Variants in LRRC27 observed in about 807,000 individuals in gnomAD.
The protein encoded by LRRC27 is leucine rich repeat containing 27, also known as leucine-rich repeat-containing protein 27.
In LRRC27, 57 loss-of-function variants were observed where a neutral mutation model predicts 55.0. The ratio of observed to expected loss-of-function variants is 1.04; its 90% CI spans 0.84 to 1.29. The LOEUF (loss-of-function observed/expected upper bound fraction) is 1.29, where lower values mean the gene tolerates loss of function less well. Among genes scored for constraint, LRRC27 ranks in the 50% most tolerant of loss-of-function variants. The pLI, the probability that LRRC27 is intolerant of heterozygous loss-of-function variation, is 0.00. For synonymous variants in LRRC27, 278 were observed against 251.9 expected (o/e 1.10, Z -0.98); for missense variants, 721 against 651.5 (o/e 1.11, Z -1.16).
At chr10:132,347,847 G>T (rs961445628) in intron 5 of LRRC27, 137 bp from the exon 6 acceptor site, 17 of 1,101,624 alleles carry the variant, frequency 1.5e-5, no homozygotes, top group Non-Finnish European at 2.2e-5. Flanking sequence ...GAATTGTTTG[G>T]ATTGACAGGG....
chr10:132,375,433 C>T lies in LRRC27; in HGVS notation c.*191C>T, dbSNP rs1325127314. Reference sequence around the variant, plus strand: ...TCCTGAGGCTGTGGAAGATTTCAGCCGTATTAAAAGAAAGGACACTGTGAG... The same window carrying T: ...TCCTGAGGCTGTGGAAGATTTCAGCTGTATTAAAAGAAAGGACACTGTGAG... On this transcript the variant is annotated 3_prime_UTR_variant, in exon 11 of 11. Transcript: ENST00000368614. 2.8e-5 allele frequency: 15 copies of T among 540,622 alleles called. No homozygotes were observed. Among genetic ancestry groups the T allele is most frequent in the Non-Finnish European group, 3.9e-5 (12 of 309,978 alleles). The allele number at this position is 540,622 out of a possible 1,614,324, so 33.5% of individuals were successfully genotyped here. A position where few individuals can be genotyped will look rare whatever the true frequency, so the allele number is the denominator to read the frequency against.
At chr10:132,364,407 C>G (rs1339880407) in intron 9 of LRRC27, among the ~76,000 whole-genome samples, 1 of 52,718 alleles carries the variant, frequency 1.9e-5, no homozygotes, top group Non-Finnish European at 4.2e-5. Context: ...ACATCTACCT[C>G]CACACCCGCG....
chr10:132,342,193 T>C lies in LRRC27; in HGVS notation c.342-20T>C. ...TTAAATCTTGCTTTTTAAATTTTTT[T>C]GTTTTGTTTTGCTTTAAAGGCATTT... is the stretch of plus-strand genomic sequence containing the variant. On this transcript the variant is annotated intron_variant, in intron 3 of 10. Coordinates refer to ENST00000368614, the MANE Select transcript of LRRC27 (RefSeq NM_030626.3). 1 of 1,464,694 alleles carries C rather than the reference T, an allele frequency of 6.8e-7. No individual in the cohort carries two copies. 90.7% of individuals were successfully genotyped at this position (1,464,694 alleles called of 1,614,324 possible). A position where few individuals can be genotyped will look rare whatever the true frequency, so the allele number is the denominator to read the frequency against.
intron 3 of LRRC27, among the ~76,000 whole-genome samples, chr10:132,338,748 C>T (rs2067251726): frequency 7.1e-6 from 1 of 141,768 alleles, no homozygotes; most frequent in African/African-American, 2.6e-5. Flanking sequence ...CTTGCTCTGT[C>T]TCCCAGGCTG....
chr10:132,375,014 C>A, intron 10 of LRRC27, 52 bp from the exon 11 acceptor site: 2 of 1,552,558 alleles, frequency 1.3e-6, no homozygotes, highest in Non-Finnish European at 1.8e-6. Context: ...CGTGGTGACG[C>A]CCTAAGTCCT....
At chr10:132,340,362 G>A (rs1368940814) in intron 3 of LRRC27, among the ~76,000 whole-genome samples, 1 of 152,050 alleles carries the variant, frequency 6.6e-6, no homozygotes, top group East Asian at 1.9e-4. Context: ...TGCACCCCCC[G>A]CAATCCCTCT....
At chr10:132,367,049 C>T (rs1456012031) in intron 10 of LRRC27, 1 of 1,061,958 alleles carries the variant, frequency 9.4e-7, no homozygotes, top group Non-Finnish European at 1.2e-6. Context: ...CAAACCCTGC[C>T]TCTTAGGGCT....
At chr10:132,335,308 C>T (rs899413316) in intron 2 of LRRC27, 7 of 152,308 alleles carry the variant, frequency 4.6e-5, no homozygotes, top group African/African-American at 9.7e-5. Context: ...TCCCAGACTT[C>T]GCCTATTGGT....
intron 9 of LRRC27, among the ~76,000 whole-genome samples, chr10:132,363,676 G>A (rs2068755114): frequency 6.6e-6 from 1 of 151,678 alleles, no homozygotes; most frequent in African/African-American, 2.4e-5. Context: ...CAGAGCAGAA[G>A]AGACCGTGGG....
chr10:132,352,808 C>G, intron 7 of LRRC27: 5 of 1,542,868 alleles, frequency 3.2e-6, no homozygotes, highest in Non-Finnish European at 3.5e-6. Context: ...CCCTTGTGTC[C>G]GTCTTTGCCC....
intron 3 of LRRC27, among the ~76,000 whole-genome samples, chr10:132,339,745 C>T (rs1038374713): frequency 6.6e-6 from 1 of 152,194 alleles, no homozygotes; most frequent in Non-Finnish European, 1.5e-5. Flanking sequence ...TTGTTTTAGC[C>T]TTACACAGTT....
At chr10:132,331,638 C>G (rs569034827), upstream of LRRC27, 1 of 1,612,764 alleles carries the variant, frequency 6.2e-7, no homozygotes, top group South Asian at 1.1e-5. Context: ...GAGGACCGCT[C>G]CAAAGGTGGT....
chr10:132,331,438 C>G, upstream of LRRC27: 1 of 1,609,674 alleles, frequency 6.2e-7, no homozygotes, highest in Admixed American at 1.7e-5. Flanking sequence ...ACACTCACTG[C>G]GTTTCCTCGC....
chr10:132,369,511 G>C (rs2069167847), intron 10 of LRRC27, among the ~76,000 whole-genome samples: 1 of 152,208 alleles, frequency 6.6e-6, no homozygotes, highest in Non-Finnish European at 1.5e-5. Context: ...AGATGGAGAT[G>C]GTGAAAGGAT....
chr10:132,337,023 T>C, intron 2 of LRRC27: 1 of 1,186,554 alleles, frequency 8.4e-7, no homozygotes, highest in Middle Eastern at 3.0e-4. Context: ...GTCAATCTGC[T>C]TCTGAAATGC....
chr10:132,375,386 C>A lies in LRRC27; in HGVS notation c.*144C>A. On this transcript the variant is annotated 3_prime_UTR_variant, in exon 11 of 11. Coordinates refer to ENST00000368614, the MANE Select transcript of LRRC27 (RefSeq NM_030626.3). ...TGATTTCGCGCAGCCTGTTGTTTTC[C>A]TTAGACAGGTCCACGTCCCTCTCCT... is the stretch of plus-strand genomic sequence containing the variant. The A allele has an allele frequency of 1.5e-6, 1 of 678,790 alleles. No homozygotes were observed. The highest frequency in any genetic ancestry group is 2.4e-6 in the Non-Finnish European group (1 of 411,582). The allele number at this position is 678,790 out of a possible 1,614,324, so 42.0% of individuals were successfully genotyped here.
At chr10:132,342,003 T>C (rs1193932499) in intron 3 of LRRC27, among the ~76,000 whole-genome samples, 1 of 152,228 alleles carries the variant, frequency 6.6e-6, no homozygotes, top group Non-Finnish European at 1.5e-5. Flanking sequence ...CCCTATGGAC[T>C]GCCTGGTCCC....
At chr10:132,364,618 T>A in intron 9 of LRRC27, among the ~76,000 whole-genome samples, 1 of 102,598 alleles carries the variant, frequency 9.7e-6, no homozygotes, top group South Asian at 3.5e-4. Flanking sequence ...CACGCTTACA[T>A]CTACCTCCAC....
chr10:132,339,618 C>T (rs574120464), intron 3 of LRRC27, among the ~76,000 whole-genome samples: 26 of 152,354 alleles, frequency 1.7e-4, no homozygotes, highest in African/African-American at 6.3e-4. Context: ...CCACCCTGTC[C>T]TCACGGCCTC....
Sources: gnomAD v4.1 joint callset for allele counts (sites outside exome capture counted in the v4.1 genomes callset) on GRCh38, gnomAD v4.1.1 for gene constraint, MANE v1.5 for transcripts, NCBI Gene and HGNC (gene_info 2026-07-23, HGNC 2026-07-21) for gene names.